SYNPO: variants seen among roughly 807,000 people sequenced by gnomAD.
SYNPO encodes the protein synaptopodin.
A neutral mutation model predicts 49.5 loss-of-function variants in SYNPO; 19 were observed. The observed-to-expected ratio is 0.38, with a 90% CI of 0.27 to 0.56. SYNPO has a LOEUF of 0.56. SYNPO is among the 20% of genes least tolerant of loss of function. The pLI, the probability that SYNPO is intolerant of heterozygous loss-of-function variation, is 0.68. For synonymous variants in SYNPO, 536 were observed against 548.0 expected, an observed-to-expected ratio of 0.98 and a Z score of 0.31; for missense variants, 1,131 against 1,248.3, an observed-to-expected ratio of 0.91 and a Z score of 1.42.
At chr5:150,590,863 G>T in the SYNPO span, among the ~76,000 whole-genome samples, 1 of 152,180 alleles carries the variant, frequency 6.6e-6, no homozygotes, top group Non-Finnish European at 1.5e-5. Flanking sequence ...AGGAGAAGAG[G>T]CTGGTGCAGC....
chr5:150,628,009 T>A (rs1341082436), intron 2 of SYNPO, among the ~76,000 whole-genome samples: 1 of 149,768 alleles, frequency 6.7e-6, no homozygotes, highest in African/African-American at 2.5e-5. Flanking sequence ...CGTGTGTGTG[T>A]GTGTGTGTTT....
At chr5:150,620,884 T>G (rs1757131108) in intron 2 of SYNPO, among the ~76,000 whole-genome samples, 1 of 148,424 alleles carries the variant, frequency 6.7e-6, no homozygotes, top group Admixed American at 6.7e-5. Flanking sequence ...TTTCTTTTTC[T>G]TTTTTTCTTT....
chr5:150,607,218 G>A (rs1298659589), intron 1 of SYNPO, among the ~76,000 whole-genome samples: 1 of 152,114 alleles, frequency 6.6e-6, no homozygotes, highest in Non-Finnish European at 1.5e-5. Flanking sequence ...CAGTTATTTA[G>A]TGACGTCTTT....
chr5:150,632,630 G>A (rs891707310), intron 2 of SYNPO, among the ~76,000 whole-genome samples: 9 of 152,146 alleles, frequency 5.9e-5, no homozygotes, highest in African/African-American at 1.7e-4. Context: ...GGGCCCTTTC[G>A]GCTCTGCCCT....
chr5:150,644,383 G>C (rs1217847505), intron 1 of SYNPO, among the ~76,000 whole-genome samples: 1 of 152,212 alleles, frequency 6.6e-6, no homozygotes, highest in Non-Finnish European at 1.5e-5. Context: ...CCGAGGTTCT[G>C]TGTTTTGGGG....
chr5:150,649,366 C>T lies in SYNPO; in HGVS notation c.1091C>T (p.Thr364Met), dbSNP rs1343433161. Residue 364 changes from threonine to methionine, a missense_variant, in exon 2 of 3, where the codon ACG (threonine) becomes ATG (methionine). Thr to Met is a moderately conservative substitution (Grantham distance 81). Coordinates refer to ENST00000307662, the MANE Select transcript of SYNPO (RefSeq NM_007286.6). The part of the protein sequence containing the change: ...LKGQAVPASK[T>M]GILEESMARR... ...GGCCAGGCGGTTCCTGCCAGCAAGA[C>T]GGGCATTCTGGAGGAGTCGATGGCC... The T allele has an allele frequency of 3.1e-6, 5 of 1,614,210 alleles. No individual in the cohort carries two copies. Among genetic ancestry groups the T allele is most frequent in the East Asian group, 2.2e-5 (1 of 44,886 alleles).
At chr5:150,609,790 G>GGC (rs1008507256) in intron 1 of SYNPO, among the ~76,000 whole-genome samples, 3 of 151,640 alleles carry the variant, frequency 2.0e-5, no homozygotes, top group African/African-American at 7.3e-5. Context: ...ATGTGGCGGG[G>GGC]GGGGGCAGTG....
upstream of SYNPO, chr5:150,601,025 C>T (rs1166378053): frequency 3.3e-5 from 5 of 152,306 alleles, no homozygotes; most frequent in African/African-American, 7.2e-5. Context: ...CCCTCCCTCC[C>T]GCCCGCCCCC....
At chr5:150,597,115 T>C (rs1262362347), upstream of SYNPO, among the ~76,000 whole-genome samples, 1 of 152,206 alleles carries the variant, frequency 6.6e-6, no homozygotes, top group Non-Finnish European at 1.5e-5. Context: ...TGGGGGACAG[T>C]GGGCTTTGGA....
upstream of SYNPO, among the ~76,000 whole-genome samples, chr5:150,637,946 G>A (rs554315164): frequency 3.5e-4 from 54 of 152,252 alleles, no homozygotes; most frequent in Middle Eastern, 3.4e-3. Flanking sequence ...TCTGGTCTCC[G>A]GGCATGAGCC....
Position 150,648,203 on chromosome 5 carries a change from C to A in SYNPO, c.-73C>A. Reference sequence around the variant, plus strand: ...CACCGGGGCTCAGCCTGAGTTCCACCTCGCTGCCGGAGCCAGGCCCTCCAC... The same window carrying A: ...CACCGGGGCTCAGCCTGAGTTCCACATCGCTGCCGGAGCCAGGCCCTCCAC... On this transcript the variant is annotated 5_prime_UTR_variant, in exon 2 of 3. Coordinates refer to ENST00000307662, the MANE Select transcript of SYNPO (RefSeq NM_007286.6). The surrounding 1 kb of genome is among the most constrained non-coding windows in gnomAD (Gnocchi z 5.0). The A allele has an allele frequency of 6.3e-7, 1 of 1,594,986 alleles. No individual in the cohort carries two copies. Among genetic ancestry groups the A allele is most frequent in the Non-Finnish European group, 8.5e-7 (1 of 1,170,436 alleles).
At chr5:150,613,540 A>C (rs950339133) in intron 1 of SYNPO, among the ~76,000 whole-genome samples, 22 of 152,192 alleles carry the variant, frequency 1.4e-4, no homozygotes, top group Admixed American at 6.5e-5. Flanking sequence ...GTGTTGCTTT[A>C]TCTGTGAGCA....
At chr5:150,639,996 C>A, upstream of SYNPO, 1 of 354,038 alleles carries the variant, frequency 2.8e-6, no homozygotes, top group Non-Finnish European at 4.0e-6. Flanking sequence ...CTTCCTCTGG[C>A]TGGCTGTGTG....
chr5:150,612,950 T>A (rs535896147), intron 1 of SYNPO, among the ~76,000 whole-genome samples: 43 of 152,186 alleles, frequency 2.8e-4, no homozygotes, highest in Middle Eastern at 3.4e-3. Flanking sequence ...GGCTAATATT[T>A]AATGTTTTGT....
upstream of SYNPO, among the ~76,000 whole-genome samples, chr5:150,600,660 C>T (rs1756505234): frequency 6.6e-6 from 1 of 152,202 alleles, no homozygotes; most frequent in African/African-American, 2.4e-5. Context: ...GGGCTTGCTT[C>T]CCACAATAGC....
At chr5:150,600,055 G>A (rs1227436792), upstream of SYNPO, among the ~76,000 whole-genome samples, 4 of 152,162 alleles carry the variant, frequency 2.6e-5, no homozygotes, top group African/African-American at 9.7e-5. Flanking sequence ...AGCCGGGGTC[G>A]ATTTTCTGTC....
chr5:150,646,524 C>A (rs959051735), intron 1 of SYNPO, among the ~76,000 whole-genome samples: 1 of 151,710 alleles, frequency 6.6e-6, no homozygotes, highest in Admixed American at 6.6e-5. Flanking sequence ...GAGTTTGAGA[C>A]CAGCCTAAGC....
chr5:150,611,418 T>A (rs1756843018), intron 1 of SYNPO, among the ~76,000 whole-genome samples: 1 of 152,222 alleles, frequency 6.6e-6, no homozygotes, highest in Non-Finnish European at 1.5e-5. Context: ...CATCTGAAGT[T>A]ACCCACTATT....
At chr5:150,601,606 T>C (rs1164908421) in intron 1 of SYNPO, among the ~76,000 whole-genome samples, 1 of 152,180 alleles carries the variant, frequency 6.6e-6, no homozygotes, top group Non-Finnish European at 1.5e-5. Flanking sequence ...CGCGAGAGCC[T>C]GTCTGCAGGT....
Sources: allele counts gnomAD v4.1 joint callset (sites outside exome capture counted in the v4.1 genomes callset), GRCh38; gene constraint gnomAD v4.1.1; non-coding constraint Gnocchi (gnomAD v3.1); transcripts MANE v1.5; gene names NCBI Gene and HGNC (gene_info 2026-07-23, HGNC 2026-07-21).